EMC7: variants seen among roughly 807,000 people sequenced by gnomAD.
EMC7 encodes the protein endoplasmic reticulum membrane protein complex subunit 7.
Under a neutral mutation model 24.4 loss-of-function variants are expected in EMC7, and 4 were observed. The ratio of observed to expected loss-of-function variants is 0.16; its 90% CI spans 0.08 to 0.38. The LOEUF is 0.38. Among genes scored for constraint, EMC7 ranks in the 10% least tolerant of loss-of-function variants. The pLI, the probability that EMC7 is intolerant of heterozygous loss-of-function variation, is 1.00. For missense variants in EMC7, 221 were observed against 300.6 expected, an observed-to-expected ratio of 0.74 and a Z score of 1.96; for synonymous variants, 106 against 112.0, an observed-to-expected ratio of 0.95 and a Z score of 0.34.
intron 2 of EMC7, 87 bp downstream of exon 2, chr15:34,095,808 C>A: frequency 8.1e-7 from 1 of 1,231,366 alleles, no homozygotes; most frequent in Non-Finnish European, 1.1e-6. Flanking sequence ...AAAGAATTTT[C>A]CATCTAAACT....
In EMC7 at chr15:34,101,668, G is replaced by C. The variant is rs1369927034; in HGVS notation, c.172C>G (p.Pro58Ala). The C allele has an allele frequency of 1.2e-6, 2 of 1,613,464 alleles. No homozygotes were observed. The highest frequency in any genetic ancestry group is 1.3e-5 in the African/African-American group (1 of 74,784). ...EGRAVVPGVK[P>A]QDWISAARVL... The stretch of plus-strand genomic sequence containing the variant: ...CGGGCCGCCGAGATCCAGTCCTGAG[G>C]CTTCACCCCTGGAACAACTGCACGC... Residue 58 changes from proline to alanine, a missense_variant, in exon 1 of 5, where the codon CCT becomes GCT. Pro to Ala is a conservative substitution (Grantham distance 27). Coordinates refer to ENST00000256545, the MANE Select transcript of EMC7 (RefSeq NM_020154.3).
At chr15:34,088,679 G>A (rs1442654374) in intron 3 of EMC7, among the ~76,000 whole-genome samples, 1 of 151,890 alleles carries the variant, frequency 6.6e-6, no homozygotes, top group Admixed American at 6.6e-5. Flanking sequence ...AATAAGCTCT[G>A]GAGTTTCACT....
intron 1 of EMC7, among the ~76,000 whole-genome samples, chr15:34,098,996 A>G (rs1428290686): frequency 2.6e-5 from 4 of 152,216 alleles, no homozygotes; most frequent in Non-Finnish European, 5.9e-5. Flanking sequence ...TCCTGATTTG[A>G]AAGAACAATT....
chr15:34,091,288 T>G (rs556915303), intron 2 of EMC7, among the ~76,000 whole-genome samples: 298 of 152,336 alleles, frequency 2.0e-3, no homozygotes, highest in African/African-American at 6.8e-3. Context: ...ACAGTCTATA[T>G]CTAATAATTC....
chr15:34,100,376 G>C (rs1380711063), intron 1 of EMC7, among the ~76,000 whole-genome samples: 4 of 152,094 alleles, frequency 2.6e-5, no homozygotes, highest in Non-Finnish European at 4.4e-5. Context: ...GAAACATTAA[G>C]GGTTGTTTTC....
At chr15:34,087,705 T>C (rs560504269) in intron 4 of EMC7, among the ~76,000 whole-genome samples, 1 of 152,220 alleles carries the variant, frequency 6.6e-6, no homozygotes, top group African/African-American at 2.4e-5. Context: ...TAACAATTTA[T>C]CTAGTCTAAT....
At chr15:34,087,176 A>G (rs900041726) in intron 4 of EMC7, among the ~76,000 whole-genome samples, 2 of 152,228 alleles carry the variant, frequency 1.3e-5, no homozygotes, top group African/African-American at 4.8e-5. Context: ...TATCTCCAGT[A>G]TCTAGACCCT....
At chr15:34,084,538 T>C (rs367883202) in intron 4 of EMC7, 52 bp from the exon 5 acceptor site, 300 of 1,561,432 alleles carry the variant, frequency 1.9e-4, no homozygotes, top group Admixed American at 1.2e-3. Flanking sequence ...GTCTTTTAAC[T>C]CCTAACACTT....
intron 1 of EMC7, among the ~76,000 whole-genome samples, chr15:34,097,968 CAAAA>C (rs34286000): frequency 2.4e-5 from 3 of 125,686 alleles, no homozygotes; most frequent in Admixed American, 7.8e-5. Flanking sequence ...GACTCCGTCT[CAAAA>C]AAAAAAAAAA....
chr15:34,090,519 TGCTTATA>T (rs2140868603), intron 2 of EMC7, 64 bp from the exon 3 acceptor site: 1 of 1,527,638 alleles, frequency 6.5e-7, no homozygotes, highest in Non-Finnish European at 8.8e-7. Context: ...TTAAAAGAAC[TGCTTATA>T]TTATATTAGC....
chr15:34,093,306 G>A (rs1379340490), intron 2 of EMC7, among the ~76,000 whole-genome samples: 6 of 151,918 alleles, frequency 3.9e-5, no homozygotes, highest in Admixed American at 6.6e-5. Flanking sequence ...GAGTGGTGGC[G>A]CATGCCTGTA....
At chr15:34,098,232 C>T (rs1216772226) in intron 1 of EMC7, among the ~76,000 whole-genome samples, 1 of 152,118 alleles carries the variant, frequency 6.6e-6, no homozygotes, top group Non-Finnish European at 1.5e-5. Flanking sequence ...GCAGGCCTTT[C>T]TTCCCTTCAA....
chr15:34,101,021 A>T (rs1245955521), intron 1 of EMC7: 1 of 149,138 alleles, frequency 6.7e-6, no homozygotes, highest in Non-Finnish European at 1.5e-5. Context: ...ATTCAACTGT[A>T]AAAAAGAACA....
At chr15:34,094,989 A>C (rs1327294024) in intron 2 of EMC7, among the ~76,000 whole-genome samples, 1 of 152,244 alleles carries the variant, frequency 6.6e-6, no homozygotes, top group Non-Finnish European at 1.5e-5. Context: ...CACTAACTCA[A>C]ATGTAAATAG....
chr15:34,101,756 C>G lies in EMC7; in HGVS notation c.84G>C (p.Gly28=). The change falls in exon 1 of 5, where the codon GGG becomes GGC. Residue 28 remains glycine (G), a synonymous_variant. Transcript: ENST00000256545. ...TCCCTCCCGATCCCTCAGCAGCAGCCCCGGGCACCTCCGAGCTCTGGACAT... is the reference window on the plus strand; with the variant it reads ...TCCCTCCCGATCCCTCAGCAGCAGCGCCGGGCACCTCCGAGCTCTGGACAT... The part of the protein sequence containing the change: ...SGDVQSSEVP[G]AAAEGSGGSG... 1.2e-6 allele frequency: 2 copies of G among 1,613,846 alleles called. No homozygotes were observed. The highest frequency in any genetic ancestry group is 2.2e-5 in the South Asian group (2 of 91,066).
At chr15:34,095,189 G>A (rs1901045530) in intron 2 of EMC7, among the ~76,000 whole-genome samples, 2 of 152,208 alleles carry the variant, frequency 1.3e-5, no homozygotes, top group Non-Finnish European at 2.9e-5. Flanking sequence ...GCTTAAAGAA[G>A]AGACATTACC....
intron 3 of EMC7, among the ~76,000 whole-genome samples, chr15:34,089,905 G>A (rs1900952416): frequency 2.0e-5 from 3 of 152,082 alleles, no homozygotes; most frequent in South Asian, 2.1e-4. Context: ...GTGGTGAGCC[G>A]AGATCGCACC....
chr15:34,084,939 C>T (rs1389459345), intron 4 of EMC7, among the ~76,000 whole-genome samples: 21 of 149,434 alleles, frequency 1.4e-4, no homozygotes, highest in East Asian at 2.0e-4. Flanking sequence ...TGTTCCCTTT[C>T]GTGTGATTCT....
intron 2 of EMC7, among the ~76,000 whole-genome samples, chr15:34,093,103 T>C (rs1476657945): frequency 1.3e-5 from 2 of 152,140 alleles, no homozygotes; most frequent in African/African-American, 4.8e-5. Flanking sequence ...TAAAGTATGG[T>C]TTCTACTGTG....
Sources: allele counts gnomAD v4.1 joint callset (sites outside exome capture counted in the v4.1 genomes callset), GRCh38; gene constraint gnomAD v4.1.1; transcripts MANE v1.5; gene names NCBI Gene and HGNC (gene_info 2026-07-23, HGNC 2026-07-21).